The following LPAR3 variants were observed in gnomAD, a reference collection of about 807,000 sequenced individuals.
LPAR3 encodes the protein lysophosphatidic acid receptor 3, also known as LPA receptor 3.
A neutral mutation model predicts 17.8 loss-of-function variants in LPAR3; 7 were observed. The ratio of observed to expected loss-of-function variants is 0.39; its 90% CI spans 0.22 to 0.74. LPAR3 has a LOEUF of 0.74. Ranked by LOEUF, LPAR3 falls within the 30% of genes least tolerant of loss-of-function variation. LPAR3 has a pLI of 0.40. For missense variants in LPAR3, 391 were observed against 453.4 expected, an observed-to-expected ratio of 0.86 and a Z score of 1.25; for synonymous variants, 179 against 179.9, an observed-to-expected ratio of 0.99 and a Z score of 0.04.
chr1:84,865,772 G>C lies in LPAR3; in HGVS notation c.349C>G (p.Leu117Val), dbSNP rs1660032832. The change falls in exon 2 of 3, where the codon CTC becomes GTC. Residue 117 changes from leucine (L) to valine (V), a missense_variant. Physicochemically the swap from Leu to Val is conservative, Grantham distance 32. Coordinates refer to ENST00000370611, the MANE Select transcript of LPAR3 (RefSeq NM_012152.3). ...ACGGCGATAACCAGCAAGTTGGTGA[G>C]GGAAGCAGTCAAGCTACTGTCCAGA... ...GLLDSSLTAS[L>V]TNLLVIAVER... The C allele has an allele frequency of 6.2e-7, 1 of 1,614,226 alleles. No homozygotes were observed. The highest frequency in any genetic ancestry group is 8.5e-7 in the Non-Finnish European group (1 of 1,180,050).
At chr1:84,826,708 C>T (rs1442522862) in intron 2 of LPAR3, among the ~76,000 whole-genome samples, 2 of 151,848 alleles carry the variant, frequency 1.3e-5, no homozygotes, top group Non-Finnish European at 2.9e-5. Flanking sequence ...ATAAATTAAG[C>T]AGGCATCTGT....
intron 1 of LPAR3, among the ~76,000 whole-genome samples, chr1:84,871,198 T>C (rs1660153928): frequency 6.6e-6 from 1 of 152,210 alleles, no homozygotes; most frequent in African/African-American, 2.4e-5. Context: ...TGCTAAACTT[T>C]GGAGCAATTA....
chr1:84,866,503 A>C (rs1660053990), intron 1 of LPAR3, among the ~76,000 whole-genome samples: 1 of 152,198 alleles, frequency 6.6e-6, no homozygotes, highest in Non-Finnish European at 1.5e-5. Context: ...AGGCATCAAC[A>C]GGGCAAATGT....
intron 1 of LPAR3, among the ~76,000 whole-genome samples, chr1:84,885,355 A>G (rs1428161800): frequency 2.0e-5 from 3 of 152,240 alleles, no homozygotes; most frequent in African/African-American, 7.2e-5. Flanking sequence ...TAACATTTAA[A>G]CAAGCGGCTA....
At chr1:84,841,276 GA>G (rs561190330) in intron 2 of LPAR3, among the ~76,000 whole-genome samples, 76 of 152,296 alleles carry the variant, frequency 5.0e-4, no homozygotes, top group African/African-American at 1.8e-3. Context: ...ATTTACTTAA[GA>G]GGTTTACAAG....
intron 1 of LPAR3, among the ~76,000 whole-genome samples, chr1:84,879,034 G>A (rs1660311349): frequency 6.6e-6 from 1 of 152,132 alleles, no homozygotes; most frequent in African/African-American, 2.4e-5. Context: ...CACTGAGAAT[G>A]CTTCTTAGCC....
chr1:84,847,660 C>A (rs2102757325), intron 2 of LPAR3, among the ~76,000 whole-genome samples: 1 of 152,294 alleles, frequency 6.6e-6, no homozygotes, highest in East Asian at 1.9e-4. Context: ...CTTGGGGTCT[C>A]CAGGGTAGCC....
In LPAR3 at chr1:84,865,666, A is replaced by T. The variant is rs756896955; in HGVS notation, c.455T>A (p.Val152Asp). 1 of 1,614,198 alleles carries T rather than the reference A, an allele frequency of 6.2e-7. No individual in the cohort carries two copies. Among genetic ancestry groups the T allele is most frequent in the Admixed American group, 1.7e-5 (1 of 60,034 alleles). ...KKRVTLLILLVWAIAIFMGAV... is the reference protein window; with the variant it reads ...KKRVTLLILLDWAIAIFMGAV... ...CCCCATAAAAATGGCGATGGCCCAG[A>T]CAAGCAAAATGAGCAGTGTCACCCT... Residue 152 changes from valine (V) to aspartate (D), a missense_variant, in exon 2 of 3, where the codon GTC becomes GAC. Coordinates refer to ENST00000370611, the MANE Select transcript of LPAR3 (RefSeq NM_012152.3).
intron 1 of LPAR3, among the ~76,000 whole-genome samples, chr1:84,886,759 AAGGG>A (rs1038197287): frequency 6.6e-6 from 1 of 152,158 alleles, no homozygotes; most frequent in African/African-American, 2.4e-5. Context: ...TCTCTACTAA[AAGGG>A]AGGCCTAACT....
intron 2 of LPAR3, among the ~76,000 whole-genome samples, chr1:84,821,372 C>T (rs1477904113): frequency 2.6e-5 from 4 of 152,134 alleles, no homozygotes; most frequent in African/African-American, 9.7e-5. Context: ...CTGACCACTA[C>T]TTTAAAAATA....
At chr1:84,842,631 T>C (rs1189636729) in intron 2 of LPAR3, among the ~76,000 whole-genome samples, 1 of 152,226 alleles carries the variant, frequency 6.6e-6, no homozygotes, top group South Asian at 2.1e-4. Flanking sequence ...CTCTTAAAAA[T>C]TGTCTTCTGA....
intron 1 of LPAR3, among the ~76,000 whole-genome samples, chr1:84,892,110 G>C (rs1244874195): frequency 6.6e-6 from 1 of 152,004 alleles, no homozygotes; most frequent in Non-Finnish European, 1.5e-5. Context: ...CTACTAGGGA[G>C]GCTGAGGCAG....
chr1:84,821,163 G>A (rs1178612623), intron 2 of LPAR3, among the ~76,000 whole-genome samples: 2 of 148,982 alleles, frequency 1.3e-5, no homozygotes, highest in Non-Finnish European at 3.0e-5. Context: ...TTTTTAAGTA[G>A]AGGAATACTT....
intron 2 of LPAR3, among the ~76,000 whole-genome samples, chr1:84,839,665 C>CTAAA: frequency 6.8e-6 from 1 of 148,004 alleles, no homozygotes; most frequent in Non-Finnish European, 1.5e-5. Context: ...GACCCTGTCT[C>CTAAA]TAAATAAATA....
chr1:84,861,265 G>T (rs1157968954), intron 2 of LPAR3, among the ~76,000 whole-genome samples: 1 of 152,132 alleles, frequency 6.6e-6, no homozygotes, highest in Admixed American at 6.6e-5. Flanking sequence ...TCAGGCAATT[G>T]AATTCTTACA....
chr1:84,883,668 G>A (rs1660404344), intron 1 of LPAR3, among the ~76,000 whole-genome samples: 1 of 151,940 alleles, frequency 6.6e-6, no homozygotes, highest in South Asian at 2.1e-4. Flanking sequence ...TGTAGAAATT[G>A]GGGACTGATT....
chr1:84,843,385 T>C (rs1213895101), intron 2 of LPAR3, among the ~76,000 whole-genome samples: 1 of 152,236 alleles, frequency 6.6e-6, no homozygotes, highest in Non-Finnish European at 1.5e-5. Context: ...ACCTCTTTTT[T>C]CAACTGTGAT....
At chr1:84,815,936 A>G (rs1658924377) in intron 2 of LPAR3, among the ~76,000 whole-genome samples, 1 of 152,192 alleles carries the variant, frequency 6.6e-6, no homozygotes, top group Admixed American at 6.5e-5. Context: ...TGGCTGATAT[A>G]TGTGAATAAA....
chr1:84,824,044 G>A (rs1044532050), intron 2 of LPAR3, among the ~76,000 whole-genome samples: 1 of 152,150 alleles, frequency 6.6e-6, no homozygotes, highest in Non-Finnish European at 1.5e-5. Context: ...AAACTGTCAT[G>A]AGCATAGAAC....
Sources: allele counts gnomAD v4.1 joint callset (sites outside exome capture counted in the v4.1 genomes callset), GRCh38; gene constraint gnomAD v4.1.1; transcripts MANE v1.5; gene names NCBI Gene and HGNC (gene_info 2026-07-23, HGNC 2026-07-21).